The following HS2ST1 variants were observed in gnomAD, a reference collection of about 807,000 sequenced individuals.
The protein encoded by HS2ST1 is 2-O-sulfotransferase.
In HS2ST1, 18 loss-of-function variants were observed where a neutral mutation model predicts 42.9. That is an observed-to-expected ratio of 0.42 (90% CI 0.29 to 0.62). The LOEUF (loss-of-function observed/expected upper bound fraction) is 0.62. Among genes scored for constraint, HS2ST1 ranks in the 20% least tolerant of loss-of-function variants. The pLI, the probability that HS2ST1 is intolerant of heterozygous loss-of-function variation, is 0.21. For synonymous variants in HS2ST1, 146 were observed against 152.9 expected (o/e 0.95, Z 0.33); for missense variants, 334 against 433.8 (o/e 0.77, Z 2.04).
At chr1:86,987,199 A>G (rs1031213460) in intron 1 of HS2ST1, among the ~76,000 whole-genome samples, 2 of 151,164 alleles carry the variant, frequency 1.3e-5, no homozygotes, top group African/African-American at 4.9e-5. Context: ...CCCTCCAAGT[A>G]GCTGGAATTA....
chr1:86,977,453 T>C (rs771060748), intron 1 of HS2ST1, among the ~76,000 whole-genome samples: 11 of 152,222 alleles, frequency 7.2e-5, no homozygotes, highest in Non-Finnish European at 1.5e-4. Flanking sequence ...ATATTTTGTA[T>C]TATATTGGCT....
chr1:87,046,635 A>G (rs2100609826), intron 1 of HS2ST1: 7 of 1,555,102 alleles, frequency 4.5e-6, no homozygotes, highest in Non-Finnish European at 6.1e-6. Context: ...GAAGAAACGA[A>G]TGCATCAGAT....
At chr1:86,946,024 G>A (rs1460343208) in intron 1 of HS2ST1, among the ~76,000 whole-genome samples, 4 of 152,180 alleles carry the variant, frequency 2.6e-5, no homozygotes, top group African/African-American at 7.2e-5. Flanking sequence ...TAAGTCTTAA[G>A]TATTTGACAG....
intron 1 of HS2ST1, among the ~76,000 whole-genome samples, chr1:86,966,665 A>G (rs1056811004): frequency 1.3e-5 from 2 of 151,858 alleles, no homozygotes; most frequent in African/African-American, 4.8e-5. Flanking sequence ...CTGATCTTGA[A>G]CTCTTGGGCT....
At chr1:87,005,327 A>G (rs1244789589) in intron 1 of HS2ST1, among the ~76,000 whole-genome samples, 1 of 152,198 alleles carries the variant, frequency 6.6e-6, no homozygotes, top group African/African-American at 2.4e-5. Flanking sequence ...ATTTTCAAAT[A>G]AATCAATCCT....
At chr1:87,024,546 T>C (rs1472430194) in intron 1 of HS2ST1, among the ~76,000 whole-genome samples, 1 of 151,410 alleles carries the variant, frequency 6.6e-6, no homozygotes, top group Admixed American at 6.6e-5. Flanking sequence ...TCAGGCAGAT[T>C]AGGTTTGAGT....
intron 2 of HS2ST1, among the ~76,000 whole-genome samples, chr1:87,081,979 A>G (rs561534338): frequency 6.6e-6 from 1 of 150,568 alleles, no homozygotes; most frequent in Non-Finnish European, 1.5e-5. Flanking sequence ...TCAAAAAAAA[A>G]AAAAAGAAAA....
intron 1 of HS2ST1, among the ~76,000 whole-genome samples, chr1:87,007,896 T>C (rs958527414): frequency 3.3e-5 from 5 of 152,190 alleles, no homozygotes; most frequent in African/African-American, 1.2e-4. Context: ...AACTGTGTAA[T>C]CTTAGTTTTC....
intron 1 of HS2ST1, among the ~76,000 whole-genome samples, chr1:87,005,686 C>A (rs746932754): frequency 2.0e-5 from 3 of 152,138 alleles, no homozygotes; most frequent in Admixed American, 6.5e-5. Context: ...AAGAGATTCT[C>A]TTTTACTAGG....
chr1:87,060,382 G>A (rs762818831), intron 1 of HS2ST1, among the ~76,000 whole-genome samples: 25 of 152,052 alleles, frequency 1.6e-4, no homozygotes, highest in Non-Finnish European at 3.7e-4. Context: ...TAACTATAAG[G>A]CTCTACCTCT....
chr1:87,070,162 G>A (rs1001219767), intron 1 of HS2ST1, among the ~76,000 whole-genome samples: 3 of 152,112 alleles, frequency 2.0e-5, no homozygotes, highest in South Asian at 2.1e-4. Context: ...AACCTCTCAC[G>A]CTTCTGTCAG....
chr1:86,923,495 C>T (rs369862810), intron 1 of HS2ST1, among the ~76,000 whole-genome samples: 15 of 151,372 alleles, frequency 9.9e-5, no homozygotes, highest in African/African-American at 3.2e-4. Context: ...CTCTTGGGTT[C>T]ACGCCATTCT....
chr1:87,076,759 C>A (rs1651554051), intron 2 of HS2ST1, among the ~76,000 whole-genome samples: 1 of 149,938 alleles, frequency 6.7e-6, no homozygotes, highest in African/African-American at 2.5e-5. Flanking sequence ...ATGTGATTAG[C>A]CACATCTTTT....
intron 1 of HS2ST1, among the ~76,000 whole-genome samples, chr1:86,986,021 C>T (rs1201328707): frequency 6.9e-6 from 1 of 145,382 alleles, no homozygotes; most frequent in Non-Finnish European, 1.5e-5. Flanking sequence ...GTTAGTAATA[C>T]ACTAATGAGC....
intron 1 of HS2ST1, among the ~76,000 whole-genome samples, chr1:87,048,317 G>A (rs759339642): frequency 2.6e-5 from 4 of 151,978 alleles, no homozygotes; most frequent in Non-Finnish European, 5.9e-5. Context: ...GAATTTCTAC[G>A]CATTCAGTCA....
chr1:87,044,165 A>G (rs546123695), intron 1 of HS2ST1, among the ~76,000 whole-genome samples: 1 of 152,284 alleles, frequency 6.6e-6, no homozygotes, highest in African/African-American at 2.4e-5. Flanking sequence ...AATAAAAATC[A>G]TTAAATAAAT....
Position 87,074,583 on chromosome 1 carries a change from C to T in HS2ST1, c.363+1411C>T, listed in dbSNP as rs183419318. Among the ~76,000 whole-genome samples, 1,295 of 152,150 alleles carry T rather than the reference C, an allele frequency of 8.5e-3. 11 individuals are homozygous for T. The highest frequency in any genetic ancestry group is 0.015 in the Non-Finnish European group (1,002 of 67,994). On this transcript the variant is annotated intron_variant, in intron 2 of 6. Transcript: ENST00000370550. Reference sequence around the variant, plus strand: ...CATGAAATATAAATCTGGAGGAGCTCACCACATATGACATTTATAGGCATC... The same window carrying T: ...CATGAAATATAAATCTGGAGGAGCTTACCACATATGACATTTATAGGCATC...
At chr1:87,046,507 T>A in intron 1 of HS2ST1, 2 of 1,407,854 alleles carry the variant, frequency 1.4e-6, no homozygotes. Context: ...ATAATCCAGT[T>A]AAACTTTTTA....
At position 87,006,733 on chromosome 1, in the gene HS2ST1, AT is replaced by A. The variant is rs1470906838; in HGVS notation, c.125-66198del. 1.1e-4 allele frequency among the ~76,000 whole-genome samples: 17 copies of A among 152,164 alleles called. No homozygotes were observed. In the East Asian group the frequency reaches 3.1e-3, roughly 28 times the overall value. On this transcript the variant is annotated intron_variant, in intron 1 of 6. Transcript: ENST00000370550. Reference sequence around the variant, plus strand: ...AACTAAAGTTTGAATCATTTTAGTCATTTCTTCTCATAATATAAACATGCTA... The same window carrying A: ...AACTAAAGTTTGAATCATTTTAGTCATTCTTCTCATAATATAAACATGCTA...
Sources: allele counts gnomAD v4.1 joint callset (sites outside exome capture counted in the v4.1 genomes callset), GRCh38; gene constraint gnomAD v4.1.1; transcripts MANE v1.5; gene names NCBI Gene and HGNC (gene_info 2026-07-23, HGNC 2026-07-21).